SLC12A2: variants seen among roughly 807,000 people sequenced by gnomAD.
SLC12A2 encodes the protein Na-K-2Cl cotransporter 1.
SLC12A2 carries 67 observed loss-of-function variants against 136.3 expected under a neutral mutation model. The ratio of observed to expected loss-of-function variants is 0.49; its 90% confidence interval spans 0.40 to 0.60. SLC12A2 has a LOEUF of 0.60. Among genes scored for constraint, SLC12A2 ranks in the 20% least tolerant of loss-of-function variants. SLC12A2 has a pLI of 0.00. For synonymous variants in SLC12A2, 619 were observed against 562.9 expected, an observed-to-expected ratio of 1.10 and a Z score of -1.41; for missense variants, 1,322 against 1,534.7, an observed-to-expected ratio of 0.86 and a Z score of 2.32.
intron 19 of SLC12A2, among the ~76,000 whole-genome samples, chr5:128,172,987 AC>A (rs1360680857): frequency 6.6e-6 from 1 of 151,946 alleles, no homozygotes; most frequent in African/African-American, 2.4e-5. Flanking sequence ...CAAAAAAAAA[AC>A]AACTGTGAAG....
chr5:128,151,347 A>C lies in SLC12A2; in HGVS notation c.2214A>C (p.Thr738=). The change falls in exon 14 of 27, where the codon ACA becomes ACC. Residue 738 remains threonine (T), a synonymous_variant. Coordinates refer to ENST00000262461, the MANE Select transcript of SLC12A2 (RefSeq NM_001046.3). Reference sequence around the variant, plus strand: ...TTAACTGGTGGGCTGCATTGCTAACATATGTGATAGTCCTTGGGCTGTATA... The same window carrying C: ...TTAACTGGTGGGCTGCATTGCTAACCTATGTGATAGTCCTTGGGCTGTATA... ...FVINWWAALL[T]YVIVLGLYIY... 6.2e-7 allele frequency: 1 copy of C among 1,612,366 alleles called. No individual in the cohort carries two copies. The highest frequency in any genetic ancestry group is 8.5e-7 in the Non-Finnish European group (1 of 1,179,296).
At chr5:128,119,130 T>C (rs1340562382) in intron 4 of SLC12A2, among the ~76,000 whole-genome samples, 1 of 152,134 alleles carries the variant, frequency 6.6e-6, no homozygotes, top group African/African-American at 2.4e-5. Context: ...TGATTTTGAC[T>C]GCCTACCTTG....
chr5:128,138,214 C>T (rs1280366189), intron 7 of SLC12A2, among the ~76,000 whole-genome samples: 2 of 152,214 alleles, frequency 1.3e-5, no homozygotes, highest in Non-Finnish European at 2.9e-5. Context: ...GCTGAAATTA[C>T]AGGCGTGAGG....
chr5:128,143,495 T>TA (rs1762434344), intron 10 of SLC12A2, among the ~76,000 whole-genome samples: 1 of 152,158 alleles, frequency 6.6e-6, no homozygotes, highest in African/African-American at 2.4e-5. Context: ...TGTTTATTGT[T>TA]ACCTCTATTA....
chr5:128,136,586 T>C (rs1039026622), intron 7 of SLC12A2, among the ~76,000 whole-genome samples: 22 of 152,288 alleles, frequency 1.4e-4, no homozygotes, highest in African/African-American at 5.3e-4. Flanking sequence ...CAGATGGTGA[T>C]AGATGCACTA....
In SLC12A2 at chr5:128,134,272, A is replaced by G; in HGVS notation, c.1296A>G (p.Ala432=). ...GISVAGMEWE[A]KAQIVLLVIL... ...CAGTAGCTGGAATGGAGTGGGAAGCAAAAGTAAGTTATGATAGGAACACCT... is the reference window on the plus strand; with the variant it reads ...CAGTAGCTGGAATGGAGTGGGAAGCGAAAGTAAGTTATGATAGGAACACCT... Residue 432 remains alanine (A), a synonymous_variant, in exon 6 of 27, where the codon GCA becomes GCG. Transcript: ENST00000262461. 6.6e-7 allele frequency: 1 copy of G among 1,510,758 alleles called. No individual in the cohort carries two copies. The highest frequency in any genetic ancestry group is 9.2e-7 in the Non-Finnish European group (1 of 1,086,498). 93.6% of individuals were successfully genotyped at this position (1,510,758 alleles called of 1,614,324 possible).
At chr5:128,184,008 C>A (rs937718030) in intron 24 of SLC12A2, among the ~76,000 whole-genome samples, 3 of 151,842 alleles carry the variant, frequency 2.0e-5, no homozygotes, top group Non-Finnish European at 2.9e-5. Context: ...TTTCATTATA[C>A]CTGCTGGTTT....
At chr5:128,161,162 T>A (rs183904756) in intron 16 of SLC12A2, among the ~76,000 whole-genome samples, 1 of 152,216 alleles carries the variant, frequency 6.6e-6, no homozygotes, top group Non-Finnish European at 1.5e-5. Flanking sequence ...TTAACAAAGT[T>A]CATTTAGTTT....
At chr5:128,102,273 A>G (rs1760763939) in intron 1 of SLC12A2, among the ~76,000 whole-genome samples, 1 of 152,140 alleles carries the variant, frequency 6.6e-6, no homozygotes, top group Admixed American at 6.6e-5. Context: ...TATCAAGTGA[A>G]CATCTGTGTA....
intron 22 of SLC12A2, among the ~76,000 whole-genome samples, chr5:128,179,990 G>A (rs141405964): frequency 0.12 from 2,977 of 25,234 alleles, 234 homozygotes; most frequent in African/African-American, 0.33. Context: ...TTTTTTTTGC[G>A]ACTGAGTCTT....
intron 18 of SLC12A2, chr5:128,170,436 T>A (rs914698095): frequency 6.6e-6 from 1 of 152,216 alleles, no homozygotes; most frequent in African/African-American, 2.4e-5. Flanking sequence ...AGACCTTTTA[T>A]AACCATATAT....
chr5:128,111,665 T>C (rs938626381), intron 1 of SLC12A2, among the ~76,000 whole-genome samples: 1 of 150,836 alleles, frequency 6.6e-6, no homozygotes, highest in South Asian at 2.1e-4. Flanking sequence ...CTCGGGAGGC[T>C]GAGGCAGGAG....
chr5:128,134,164 G>A lies in SLC12A2; in HGVS notation c.1189-1G>A. ...ATTATATTTATGATTCCTTTTTCTAGGAACATTCCATACTTATGATAGATG... is the reference window on the plus strand; with the variant it reads ...ATTATATTTATGATTCCTTTTTCTAAGAACATTCCATACTTATGATAGATG... On this transcript the variant is annotated splice_acceptor_variant, in intron 5 of 26. Coordinates refer to ENST00000262461, the MANE Select transcript of SLC12A2 (RefSeq NM_001046.3). LOFTEE classifies it high-confidence loss of function. 1 of 1,471,016 alleles carries A rather than the reference G, an allele frequency of 6.8e-7. No homozygotes were observed. Among genetic ancestry groups the A allele is most frequent in the Non-Finnish European group, 9.5e-7 (1 of 1,054,382 alleles). 91.1% of individuals were successfully genotyped at this position (1,471,016 alleles called of 1,614,324 possible).
At chr5:128,102,596 CTTTTTTTT>C (rs70997362) in intron 1 of SLC12A2, among the ~76,000 whole-genome samples, 2 of 40,450 alleles carry the variant, frequency 4.9e-5, no homozygotes, top group Non-Finnish European at 9.7e-5. Flanking sequence ...CCCCCCCCGC[CTTTTTTTT>C]TTTTTTTTTT....
intron 2 of SLC12A2, among the ~76,000 whole-genome samples, chr5:128,113,529 G>T (rs1047415620): frequency 6.6e-6 from 1 of 152,154 alleles, no homozygotes; most frequent in African/African-American, 2.4e-5. Context: ...GACTTTGGAA[G>T]CACTTAATAG....
At chr5:128,184,559 A>G in intron 25 of SLC12A2, 58 bp downstream of exon 25, 1 of 1,444,792 alleles carries the variant, frequency 6.9e-7, no homozygotes, top group Admixed American at 2.4e-5. Flanking sequence ...CATGAAAACC[A>G]AGAACTTTAA....
intron 5 of SLC12A2, among the ~76,000 whole-genome samples, chr5:128,132,180 A>G (rs1298831292): frequency 2.6e-5 from 4 of 152,128 alleles, no homozygotes; most frequent in Non-Finnish European, 4.4e-5. Flanking sequence ...GATGTAGGGA[A>G]GTATCTGACC....
At chr5:128,177,863 T>C (rs596058) in intron 21 of SLC12A2, among the ~76,000 whole-genome samples, 38 of 152,286 alleles carry the variant, frequency 2.5e-4, no homozygotes, top group African/African-American at 8.7e-4. Flanking sequence ...TTTTAACTCC[T>C]GGGAATATAA....
In SLC12A2 at chr5:128,163,654, A is replaced by T. The variant is rs191115455; in HGVS notation, c.2616+1854A>T. 8.2e-3 allele frequency among the ~76,000 whole-genome samples: 1,248 copies of T among 152,342 alleles called. 18 individuals carry two copies. The highest frequency in any genetic ancestry group is 0.012 in the Non-Finnish European group (787 of 68,022). ...ATGGTAGAATTCTATACAGTGGTGA[A>T]GAGGAGCTATATATATCAACATGGA... On this transcript the variant is annotated intron_variant, in intron 17 of 26. Transcript: ENST00000262461.
Sources: allele counts gnomAD v4.1 joint callset (sites outside exome capture counted in the v4.1 genomes callset), GRCh38; gene constraint gnomAD v4.1.1; transcripts MANE v1.5; gene names NCBI Gene and HGNC (gene_info 2026-07-23, HGNC 2026-07-21).